Variants in TTC17 observed in about 807,000 individuals in gnomAD.
The protein encoded by TTC17 is tetratricopeptide repeat domain 17, also known as tetratricopeptide repeat protein 17.
A neutral mutation model predicts 143.8 loss-of-function variants in TTC17; 58 were observed. The observed-to-expected ratio is 0.40, with a 90% CI of 0.33 to 0.50. The LOEUF (loss-of-function observed/expected upper bound fraction) is 0.50. Ranked by LOEUF, TTC17 falls within the 20% of genes least tolerant of loss-of-function variation. The pLI is 0.49. For missense variants in TTC17, 1,273 were observed against 1,392.5 expected (o/e 0.91, Z 1.37); for synonymous variants, 501 against 497.8 (o/e 1.01, Z -0.09).
chr11:43,415,138 A>G (rs1294442556), intron 16 of TTC17, among the ~76,000 whole-genome samples: 6 of 152,324 alleles, frequency 3.9e-5, no homozygotes, highest in African/African-American at 1.4e-4. Flanking sequence ...ATACAGTTTT[A>G]ATTGAAGCAG....
At chr11:43,362,776 A>G (rs900818650) in intron 1 of TTC17, among the ~76,000 whole-genome samples, 9 of 152,012 alleles carry the variant, frequency 5.9e-5, no homozygotes, top group Admixed American at 2.6e-4. Context: ...GCATTTCACA[A>G]TCCCTGCCTC....
At chr11:43,371,200 C>G (rs1364254888) in intron 1 of TTC17, among the ~76,000 whole-genome samples, 2 of 152,172 alleles carry the variant, frequency 1.3e-5, no homozygotes, top group Non-Finnish European at 2.9e-5. Context: ...CACCACCAAG[C>G]AAGCAGTCAG....
intron 13 of TTC17, among the ~76,000 whole-genome samples, chr11:43,406,566 CTTTT>C (rs58014740): frequency 2.0e-5 from 3 of 146,420 alleles, no homozygotes; most frequent in Non-Finnish European, 4.5e-5. Context: ...TCACAACCAC[CTTTT>C]TTTTTTTAAG....
At chr11:43,452,993 T>C (rs1484529685) in intron 21 of TTC17, among the ~76,000 whole-genome samples, 1 of 151,982 alleles carries the variant, frequency 6.6e-6, no homozygotes, top group Admixed American at 6.6e-5. Context: ...AGGAGAAAGA[T>C]TAGCAATGGA....
intron 21 of TTC17, among the ~76,000 whole-genome samples, chr11:43,468,626 G>A (rs562339821): frequency 6.6e-6 from 1 of 152,090 alleles, no homozygotes; most frequent in South Asian, 2.1e-4. Context: ...AAAAAAATTG[G>A]TAAGTTGGAC....
intron 16 of TTC17, among the ~76,000 whole-genome samples, chr11:43,431,378 C>T (rs561902908): frequency 6.2e-4 from 95 of 152,280 alleles, no homozygotes; most frequent in African/African-American, 2.2e-3. Flanking sequence ...AACTAATTTA[C>T]GCTCCCACCA....
At chr11:43,386,088 T>C (rs1394839364) in intron 2 of TTC17, among the ~76,000 whole-genome samples, 1 of 150,454 alleles carries the variant, frequency 6.6e-6, no homozygotes, top group Non-Finnish European at 1.5e-5. Context: ...ATTGATTGAA[T>C]AAATGGGGAA....
At chr11:43,370,689 A>C (rs543864908) in intron 1 of TTC17, among the ~76,000 whole-genome samples, 1 of 152,370 alleles carries the variant, frequency 6.6e-6, no homozygotes, top group East Asian at 1.9e-4. Context: ...AGAAAAAGTT[A>C]GAAAACACAA....
chr11:43,370,399 A>G (rs1168590455), intron 1 of TTC17: 2 of 184,454 alleles, frequency 1.1e-5, no homozygotes, highest in African/African-American at 2.4e-5. Context: ...AGGAGCAAGA[A>G]AATACAAAAG....
chr11:43,380,480 C>T (rs564843098), intron 2 of TTC17, among the ~76,000 whole-genome samples: 7 of 152,210 alleles, frequency 4.6e-5, no homozygotes, highest in Admixed American at 2.0e-4. Context: ...GTCTCAAACT[C>T]CTGACCTCAG....
intron 23 of TTC17, among the ~76,000 whole-genome samples, chr11:43,492,535 C>A (rs1047904203): frequency 3.3e-5 from 5 of 152,184 alleles, no homozygotes; most frequent in Non-Finnish European, 5.9e-5. Flanking sequence ...TCATCGCACT[C>A]ATGACACCCT....
At chr11:43,431,686 A>G (rs926639737) in intron 16 of TTC17, among the ~76,000 whole-genome samples, 3 of 152,216 alleles carry the variant, frequency 2.0e-5, no homozygotes, top group Non-Finnish European at 4.4e-5. Flanking sequence ...ATTCTCAACA[A>G]CCTAATGAAA....
In TTC17 at chr11:43,432,922, G is replaced by A. The variant is rs929002768; in HGVS notation, c.2252-10403G>A. ...TTTAAAATTAGATAATTCAACTATCGCCAAGCTACATATGCAAATCACATC... is the reference window on the plus strand; with the variant it reads ...TTTAAAATTAGATAATTCAACTATCACCAAGCTACATATGCAAATCACATC... On this transcript the variant is annotated intron_variant, in intron 16 of 23. Coordinates refer to ENST00000039989, the MANE Select transcript of TTC17 (RefSeq NM_018259.6). Among the ~76,000 whole-genome samples, 5 of 152,184 alleles carry A rather than the reference G, an allele frequency of 3.3e-5. No individual in the cohort carries two copies. In the East Asian group the frequency reaches 5.8e-4, roughly 18 times the overall value.
At chr11:43,389,990 A>G (rs574343114) in intron 3 of TTC17, among the ~76,000 whole-genome samples, 169 bp downstream of exon 3, 3 of 152,348 alleles carry the variant, frequency 2.0e-5, no homozygotes, top group African/African-American at 7.2e-5. Flanking sequence ...ATTAATTTAA[A>G]ATATTTAACA....
At position 43,441,499 on chromosome 11, in the gene TTC17, G is replaced by T. The variant is rs150671160; in HGVS notation, c.2252-1826G>T. Among the ~76,000 whole-genome samples the T allele has an allele frequency of 3.4e-3, 523 of 151,916 alleles. 2 individuals are homozygous for T. Among genetic ancestry groups the T allele is most frequent in the African/African-American group, 0.012 (488 of 41,388 alleles). On this transcript the variant is annotated intron_variant, in intron 16 of 23. Coordinates refer to ENST00000039989, the MANE Select transcript of TTC17 (RefSeq NM_018259.6). ...AATTCATTATATTTCATTTCTTAAG[G>T]TTAGAAACTTTCCATTTTTTTTTGT...
chr11:43,414,798 A>G (rs753775656), intron 16 of TTC17, 22 bp downstream of exon 16: 24 of 1,605,738 alleles, frequency 1.5e-5, no homozygotes, highest in Non-Finnish European at 2.0e-5. Flanking sequence ...TCAAATGCTG[A>G]CAAACTAATG....
intron 16 of TTC17, among the ~76,000 whole-genome samples, chr11:43,433,630 C>G (rs577481374): frequency 8.5e-5 from 13 of 152,190 alleles, no homozygotes; most frequent in Non-Finnish European, 1.9e-4. Context: ...AAATTACCTA[C>G]AAGATATTTT....
At chr11:43,477,088 CA>C (rs1948198672) in intron 21 of TTC17, among the ~76,000 whole-genome samples, 1 of 152,182 alleles carries the variant, frequency 6.6e-6, no homozygotes, top group African/African-American at 2.4e-5. Flanking sequence ...ATCTCTAGGA[CA>C]GGGGCAAAAT....
intron 16 of TTC17, among the ~76,000 whole-genome samples, chr11:43,422,187 AAGAG>A (rs528573939): frequency 6.6e-6 from 1 of 152,234 alleles, no homozygotes. Context: ...AAATGAAAGA[AAGAG>A]AGGTCAAGGG....
Sources: gnomAD v4.1 joint callset for allele counts (sites outside exome capture counted in the v4.1 genomes callset) on GRCh38, gnomAD v4.1.1 for gene constraint, MANE v1.5 for transcripts, NCBI Gene and HGNC (gene_info 2026-07-23, HGNC 2026-07-21) for gene names.